Variants in BID observed in about 807,000 individuals in gnomAD.
BID encodes BH3 interacting domain death agonist.
A neutral mutation model predicts 17.4 loss-of-function variants in BID; 19 were observed. That is an observed-to-expected ratio of 1.09 (90% CI 0.76 to 1.60). The LOEUF (loss-of-function observed/expected upper bound fraction) is 1.60, where lower values mean the gene tolerates loss of function less well. Ranked by LOEUF, BID falls within the 40% of genes most tolerant of loss-of-function variation. The pLI, the probability that BID is intolerant of heterozygous loss-of-function variation, is 0.00. For missense variants in BID, 226 were observed against 256.0 expected (o/e 0.88, Z 0.80); for synonymous variants, 108 against 102.8 (o/e 1.05, Z -0.31).
intron 1 of BID, chr22:17,774,056 C>G (rs1279650608): frequency 2.8e-6 from 1 of 352,366 alleles, no homozygotes; most frequent in Non-Finnish European, 5.3e-6. Flanking sequence ...CTCCCCGCGC[C>G]CCGCACCCCT....
At chr22:17,765,379 A>G (rs1601878047) in intron 1 of BID, among the ~76,000 whole-genome samples, 1 of 152,318 alleles carries the variant, frequency 6.6e-6, no homozygotes, top group East Asian at 1.9e-4. Flanking sequence ...GCTGAAAAAA[A>G]CCCAGGTATA....
At chr22:17,760,451 C>CAAAAA (rs55817445) in intron 1 of BID, among the ~76,000 whole-genome samples, 1 of 30,762 alleles carries the variant, frequency 3.3e-5, no homozygotes, top group Non-Finnish European at 8.6e-5. Flanking sequence ...GACTCTGTCT[C>CAAAAA]AAAAAAAAAA....
At chr22:17,757,270 C>T (rs1275808988) in intron 1 of BID, among the ~76,000 whole-genome samples, 1 of 151,714 alleles carries the variant, frequency 6.6e-6, no homozygotes, top group Non-Finnish European at 1.5e-5. Context: ...CAAAAACTAG[C>T]CAGGCATGGT....
intron 1 of BID, among the ~76,000 whole-genome samples, chr22:17,758,761 G>A (rs986047150): frequency 5.3e-5 from 8 of 152,178 alleles, no homozygotes; most frequent in Non-Finnish European, 1.2e-4. Context: ...GCAAGTTAGC[G>A]TTTAATGGTA....
At chr22:17,759,156 G>T (rs1232848630) in intron 1 of BID, among the ~76,000 whole-genome samples, 4 of 149,892 alleles carry the variant, frequency 2.7e-5, no homozygotes, top group Non-Finnish European at 4.4e-5. Flanking sequence ...ACTTGAACCC[G>T]GGAGGCAGAG....
chr22:17,773,908 C>A lies in BID; in HGVS notation c.-59+473G>T. 1 of 591,334 alleles carries A rather than the reference C, an allele frequency of 1.7e-6. No individual in the cohort carries two copies. The highest frequency in any genetic ancestry group is 3.0e-6 in the Non-Finnish European group (1 of 331,342). The allele number at this position is 591,334 out of a possible 1,614,324, so 36.6% of individuals were successfully genotyped here. A position where few individuals can be genotyped will look rare whatever the true frequency, so the allele number is the denominator to read the frequency against. On this transcript the variant is annotated intron_variant, in intron 1 of 5. Coordinates refer to ENST00000622694, the MANE Select transcript of BID (RefSeq NM_001196.4). The surrounding 1 kb of genome is among the most constrained non-coding windows in gnomAD (Gnocchi z 4.4). ...CGCTTTGTCAGCCCTGAGCTCCGCT[C>A]GGGAGGAGCCGGCAGGTGTCTGCGG... is the stretch of plus-strand genomic sequence containing the variant.
chr22:17,739,440 G>T lies in BID; in HGVS notation c.272C>A (p.Ala91Asp). 1 of 1,612,622 alleles carries T rather than the reference G, an allele frequency of 6.2e-7. No individual in the cohort carries two copies. The highest frequency in any genetic ancestry group is 8.5e-7 in the Non-Finnish European group (1 of 1,179,866). ...ACGGTCCATGCTGTCCCCGACCTGG[G>T]CGAGGTGCCTGGCAATATTCCGGAT... is the stretch of plus-strand genomic sequence containing the variant. ...DIIRNIARHL[A>D]QVGDSMDRSI... The change falls in exon 4 of 6, where the codon GCC becomes GAC. Residue 91 changes from alanine to aspartate, a missense_variant. Ala to Asp is a moderately radical substitution (Grantham distance 126, BLOSUM62 -2). Coordinates refer to ENST00000622694, the MANE Select transcript of BID (RefSeq NM_001196.4).
Position 17,735,390 on chromosome 22 carries a change from T to C in BID, c.*190A>G. ...GTGTAAATGGACATTTTCATTCAAG[T>C]ATATTAATGTAGATATTTTAAAGTG... is the stretch of plus-strand genomic sequence containing the variant. On this transcript the variant is annotated 3_prime_UTR_variant, in exon 6 of 6. Coordinates refer to ENST00000622694, the MANE Select transcript of BID (RefSeq NM_001196.4). The C allele has an allele frequency of 1.6e-6, 1 of 616,252 alleles. No individual in the cohort carries two copies. The highest frequency in any genetic ancestry group is 2.0e-5 in the South Asian group (1 of 48,870). The allele number at this position is 616,252 out of a possible 1,614,324, so 38.2% of individuals were successfully genotyped here.
intron 4 of BID, 143 bp downstream of exon 4, chr22:17,739,206 C>T (rs1357505263): frequency 2.2e-5 from 24 of 1,107,450 alleles, no homozygotes; most frequent in African/African-American, 4.7e-5. Context: ...CCATACCCTA[C>T]GTCCAGTTAC....
At position 17,739,439 on chromosome 22, in the gene BID, G is replaced by A. The variant is rs2061442763; in HGVS notation, c.273C>T (p.Ala91=). Residue 91 remains alanine (A), a synonymous_variant, in exon 4 of 6, where the codon GCC becomes GCT. Coordinates refer to ENST00000622694, the MANE Select transcript of BID (RefSeq NM_001196.4). ...DIIRNIARHL[A]QVGDSMDRSI... ...TACGGTCCATGCTGTCCCCGACCTG[G>A]GCGAGGTGCCTGGCAATATTCCGGA... is the stretch of plus-strand genomic sequence containing the variant. 6.2e-7 allele frequency: 1 copy of A among 1,612,598 alleles called. No homozygotes were observed. Among genetic ancestry groups the A allele is most frequent in the Non-Finnish European group, 8.5e-7 (1 of 1,179,868 alleles).
chr22:17,757,030 C>G (rs2061596407), intron 1 of BID, among the ~76,000 whole-genome samples: 1 of 152,194 alleles, frequency 6.6e-6, no homozygotes, highest in African/African-American at 2.4e-5. Flanking sequence ...AAAGCAGCTT[C>G]TCCCTGGCTA....
chr22:17,773,895 C>T lies in BID; in HGVS notation c.-59+486G>A, dbSNP rs911647815. ...GCCGCTCTGACCGCGCTTTGTCAGC[C>T]CTGAGCTCCGCTCGGGAGGAGCCGG... is the stretch of plus-strand genomic sequence containing the variant. On this transcript the variant is annotated intron_variant, in intron 1 of 5. Transcript: ENST00000622694. The surrounding 1 kb of genome is among the most constrained non-coding windows in gnomAD (Gnocchi z 4.4). 9 of 604,992 alleles carry T rather than the reference C, an allele frequency of 1.5e-5. No individual in the cohort carries two copies. Among genetic ancestry groups the T allele is most frequent in the Non-Finnish European group, 2.3e-5 (8 of 340,670 alleles). The allele number at this position is 604,992 out of a possible 1,614,324, so 37.5% of individuals were successfully genotyped here.
chr22:17,742,785 C>T (rs568689640), intron 3 of BID, among the ~76,000 whole-genome samples: 3 of 152,216 alleles, frequency 2.0e-5, no homozygotes, highest in African/African-American at 4.8e-5. Flanking sequence ...TCGTGTAATT[C>T]CAATGTGCAC....
intron 2 of BID, among the ~76,000 whole-genome samples, chr22:17,748,135 G>A: frequency 6.7e-6 from 1 of 150,234 alleles, no homozygotes; most frequent in Admixed American, 6.7e-5. Context: ...CATGAACTTG[G>A]GAGGCGGAGC....
Position 17,773,717 on chromosome 22 carries a change from C to G in BID, c.-59+664G>C, listed in dbSNP as rs554081859. 1 of 1,600,084 alleles carries G rather than the reference C, an allele frequency of 6.2e-7. No homozygotes were observed. Among genetic ancestry groups the G allele is most frequent in the Non-Finnish European group, 8.5e-7 (1 of 1,177,576 alleles). ...GTATTTGTTGAATGAATGAATGAAC[C>G]CTTGCCAGCCCAGCCACTTGGTGGC... On this transcript the variant is annotated intron_variant, in intron 1 of 5. Coordinates refer to ENST00000622694, the MANE Select transcript of BID (RefSeq NM_001196.4). This position sits in a 1 kb window ranked among gnomAD's most constrained non-coding sequence, Gnocchi z 4.4.
Position 17,743,785 on chromosome 22 carries a change from G to A in BID, c.223+18C>T, listed in dbSNP as rs2145880428. 3 of 1,599,510 alleles carry A rather than the reference G, an allele frequency of 1.9e-6. No homozygotes were observed. The highest frequency in any genetic ancestry group is 1.3e-5 in the African/African-American group (1 of 74,782). On this transcript the variant is annotated intron_variant, in intron 3 of 5. Transcript: ENST00000622694. ...GAGAAGCCCAGCTTTGGGGAAGGAG[G>A]TGGGGCCGGCCGCCTACCTGCCTCT...
rs1363298436 is a variant in BID, at chr22:17,771,805, G to A, written c.-59+2576C>T. Among the ~76,000 whole-genome samples the A allele has an allele frequency of 2.6e-5, 4 of 152,210 alleles. No homozygotes were observed. The East Asian group carries it at 7.7e-4, about 29-fold the overall frequency. On this transcript the variant is annotated intron_variant, in intron 1 of 5. Coordinates refer to ENST00000622694, the MANE Select transcript of BID (RefSeq NM_001196.4). ...AGGAACCTGCCAGCAGTGGCTCTTG[G>A]GGAAAACCCCACTGCGAGGTTTCTG...
At chr22:17,756,510 G>A (rs61640818) in intron 1 of BID, among the ~76,000 whole-genome samples, 2 of 119,842 alleles carry the variant, frequency 1.7e-5, no homozygotes, top group African/African-American at 3.3e-5. Flanking sequence ...CTCTCTTTCT[G>A]TCTGTCTCTC....
chr22:17,773,504 A>G lies in BID; in HGVS notation c.-59+877T>C. The G allele has an allele frequency of 8.7e-7, 1 of 1,155,470 alleles. No individual in the cohort carries two copies. The highest frequency in any genetic ancestry group is 1.3e-6 in the Non-Finnish European group (1 of 787,062). 71.6% of individuals were successfully genotyped at this position (1,155,470 alleles called of 1,614,324 possible). ...CCAGGAAGGGGGTGCAAGCCTGAGA[A>G]GGTGGAAGAGCTCTGGGTGGGTCCA... On this transcript the variant is annotated intron_variant, in intron 1 of 5. Coordinates refer to ENST00000622694, the MANE Select transcript of BID (RefSeq NM_001196.4). This position sits in a 1 kb window ranked among gnomAD's most constrained non-coding sequence, Gnocchi z 4.4.
Sources: allele counts gnomAD v4.1 joint callset (sites outside exome capture counted in the v4.1 genomes callset), GRCh38; gene constraint gnomAD v4.1.1; non-coding constraint Gnocchi (gnomAD v3.1); transcripts MANE v1.5; gene names NCBI Gene and HGNC (gene_info 2026-07-23, HGNC 2026-07-21).